Variants in CFAP100 observed in about 807,000 individuals in gnomAD.
CFAP100 encodes cilia and flagella associated protein 100, also known as cilia- and flagella-associated protein 100.
Under a neutral mutation model 81.5 loss-of-function variants are expected in CFAP100, and 70 were observed. That is an observed-to-expected ratio of 0.86 (90% CI 0.71 to 1.05). The LOEUF (loss-of-function observed/expected upper bound fraction) is 1.05. Ranked by LOEUF, CFAP100 falls within the 50% of genes least tolerant of loss-of-function variation. The pLI, the probability that CFAP100 is intolerant of heterozygous loss-of-function variation, is 0.00. For missense variants in CFAP100, 811 were observed against 776.5 expected (o/e 1.04, Z -0.53); for synonymous variants, 341 against 314.8 (o/e 1.08, Z -0.88).
At chr3:126,432,282 C>CAAAAAAAAAAAAAAA (rs58421889) in intron 13 of CFAP100, among the ~76,000 whole-genome samples, 2 of 76,730 alleles carry the variant, frequency 2.6e-5, no homozygotes, top group Admixed American at 1.8e-4. Context: ...GACTCCGTCT[C>CAAAAAAAAAAAAAAA]AAAAAAAAAA....
intron 3 of CFAP100, among the ~76,000 whole-genome samples, chr3:126,408,862 C>A (rs535143992): frequency 2.0e-5 from 3 of 152,214 alleles, no homozygotes; most frequent in Non-Finnish European, 4.4e-5. Flanking sequence ...GATCACAGCT[C>A]ACTGCAGCCT....
intron 2 of CFAP100, among the ~76,000 whole-genome samples, chr3:126,406,396 A>T (rs574857321): frequency 6.6e-6 from 1 of 152,050 alleles, no homozygotes; most frequent in African/African-American, 2.4e-5. Flanking sequence ...CCCCAGGAGG[A>T]CTGGCACCCT....
rs67596011 is a variant in CFAP100, at chr3:126,433,051, G to C, written c.1287-18G>C. The C allele has an allele frequency of 9.3e-6, 15 of 1,613,620 alleles. No homozygotes were observed. Among genetic ancestry groups the C allele is most frequent in the Non-Finnish European group, 1.3e-5 (15 of 1,179,806 alleles). On this transcript the variant is annotated intron_variant, in intron 13 of 16. Coordinates refer to ENST00000352312, the MANE Select transcript of CFAP100 (RefSeq NM_182628.3). ...TGTGCTGAGTGACTGATGCCCTGCCGGTTTTCCCCTCTTCCAGGGACAGGG... is the reference window on the plus strand; with the variant it reads ...TGTGCTGAGTGACTGATGCCCTGCCCGTTTTCCCCTCTTCCAGGGACAGGG...
intron 2 of CFAP100, among the ~76,000 whole-genome samples, chr3:126,398,215 G>A (rs572720757): frequency 6.4e-4 from 97 of 152,306 alleles, no homozygotes; most frequent in African/African-American, 2.1e-3. Flanking sequence ...AGGAATGCCC[G>A]GAGCTCTGGC....
chr3:126,435,949 C>T (rs977047375), intron 16 of CFAP100, among the ~76,000 whole-genome samples: 2 of 152,200 alleles, frequency 1.3e-5, no homozygotes, highest in African/African-American at 4.8e-5. Context: ...TACCCACACT[C>T]CGGCCAGACC....
At chr3:126,397,529 T>C (rs1025845828) in intron 2 of CFAP100, among the ~76,000 whole-genome samples, 1 of 152,268 alleles carries the variant, frequency 6.6e-6, no homozygotes, top group Non-Finnish European at 1.5e-5. Flanking sequence ...ATTTGTTTAT[T>C]GGTATGAGGG....
intron 2 of CFAP100, among the ~76,000 whole-genome samples, chr3:126,398,033 G>A (rs1047484914): frequency 2.6e-5 from 4 of 152,252 alleles, no homozygotes; most frequent in Admixed American, 6.5e-5. Context: ...CCTGTGGCCC[G>A]GGAGGACTAT....
In CFAP100 at chr3:126,436,362, G is replaced by C. The variant is rs569615693; in HGVS notation, c.1794G>C (p.Leu598=). 1 of 1,614,174 alleles carries C rather than the reference G, an allele frequency of 6.2e-7. No individual in the cohort carries two copies. Among genetic ancestry groups the C allele is most frequent in the Admixed American group, 1.7e-5 (1 of 60,028 alleles). Reference sequence around the variant, plus strand: ...TCAAACAACAGTCTGAGCACACACTGATGGACAAGGAGGAGGAGGAGCTGC... The same window carrying C: ...TCAAACAACAGTCTGAGCACACACTCATGGACAAGGAGGAGGAGGAGCTGC... ...HRIKQQSEHT[L]MDKEEEELLF... The change falls in exon 17 of 17, where the codon CTG becomes CTC. Residue 598 remains leucine (L), a synonymous_variant. Transcript: ENST00000352312.
At chr3:126,417,701 C>A (rs913281659) in intron 5 of CFAP100, among the ~76,000 whole-genome samples, 5 of 152,238 alleles carry the variant, frequency 3.3e-5, no homozygotes, top group Admixed American at 2.0e-4. Context: ...TCCGTGGCTA[C>A]CCAGGGAGGC....
At chr3:126,404,435 T>C (rs189886685) in intron 2 of CFAP100, among the ~76,000 whole-genome samples, 3 of 152,202 alleles carry the variant, frequency 2.0e-5, no homozygotes, top group African/African-American at 7.2e-5. Context: ...AATTTCAGCA[T>C]CCTTCTATGG....
chr3:126,396,575 A>C (rs1048714455), intron 2 of CFAP100: 5 of 156,160 alleles, frequency 3.2e-5, no homozygotes, highest in Admixed American at 6.3e-5. Flanking sequence ...CCTTATTTCC[A>C]AACAAGATCA....
chr3:126,417,731 G>A (rs939963561), intron 5 of CFAP100, among the ~76,000 whole-genome samples: 4 of 152,236 alleles, frequency 2.6e-5, no homozygotes. Flanking sequence ...GCCTCTGCCG[G>A]GATCTGGACT....
chr3:126,419,040 G>GCCCCCCTCCCCCCTCCCCCCCC, intron 7 of CFAP100, 36 bp from the exon 8 acceptor site: 1 of 801,216 alleles, frequency 1.2e-6, no homozygotes, highest in Non-Finnish European at 2.1e-6. Flanking sequence ...CTGGCCCCTT[G>GCCCCCCTCCCCCCTCCCCCCCC]CCCCCATCCC....
intron 3 of CFAP100, among the ~76,000 whole-genome samples, chr3:126,411,640 G>T (rs896171468): frequency 6.6e-5 from 10 of 151,874 alleles, no homozygotes; most frequent in African/African-American, 2.4e-4. Context: ...ATTTAATCTA[G>T]GAGAGTTGTG....
At chr3:126,430,499 TAA>T (rs1000038244) in intron 13 of CFAP100, among the ~76,000 whole-genome samples, 3 of 152,132 alleles carry the variant, frequency 2.0e-5, no homozygotes, top group African/African-American at 7.2e-5. Flanking sequence ...TCAATAAAAA[TAA>T]AAATAAAAAA....
intron 4 of CFAP100, 192 bp downstream of exon 4, chr3:126,414,371 A>G (rs1024807948): frequency 7.3e-6 from 5 of 687,994 alleles, no homozygotes; most frequent in Non-Finnish European, 1.1e-5. Flanking sequence ...ACAGCATCCC[A>G]CCCATCTTCC....
chr3:126,418,472 C>A lies in CFAP100; in HGVS notation c.433C>A (p.Pro145Thr), dbSNP rs1049210008. The A allele has an allele frequency of 1.9e-6, 3 of 1,613,990 alleles. No individual in the cohort carries two copies. Among genetic ancestry groups the A allele is most frequent in the African/African-American group, 2.7e-5 (2 of 74,920 alleles). The change falls in exon 6 of 17, where the codon CCT (proline) becomes ACT (threonine). Residue 145 changes from proline to threonine, a missense_variant. Pro to Thr is a conservative substitution (Grantham distance 38). Transcript: ENST00000352312. ...TCTTCCAGCAGAAAAGAATGTGGAG[C>A]CTGAGAACATGAGTGGCTACATTAA... is the stretch of plus-strand genomic sequence containing the variant. The part of the protein sequence containing the change: ...LTLTKEKNVE[P>T]ENMSGYIKQK...
intron 5 of CFAP100, chr3:126,418,099 T>G: frequency 8.1e-6 from 2 of 245,822 alleles, no homozygotes; most frequent in Non-Finnish European, 1.6e-5. Context: ...CTCATCCCCA[T>G]TCAGGTCCTG....
chr3:126,413,442 T>A (rs930735264), intron 3 of CFAP100, among the ~76,000 whole-genome samples: 1 of 152,196 alleles, frequency 6.6e-6, no homozygotes, highest in African/African-American at 2.4e-5. Context: ...GTGCTTAGTT[T>A]ACCCTCTCCA....
Sources: allele counts gnomAD v4.1 joint callset (sites outside exome capture counted in the v4.1 genomes callset), GRCh38; gene constraint gnomAD v4.1.1; transcripts MANE v1.5; gene names NCBI Gene and HGNC (gene_info 2026-07-23, HGNC 2026-07-21).